Variants in KIF13B observed in about 807,000 individuals in gnomAD.
KIF13B encodes the protein kinesin family member 13B.
A neutral mutation model predicts 222.0 loss-of-function variants in KIF13B; 127 were observed. The observed-to-expected ratio is 0.57, with a 90% CI of 0.50 to 0.66. KIF13B has a LOEUF of 0.66. Among genes scored for constraint, KIF13B ranks in the 30% least tolerant of loss-of-function variants. The probability of loss-of-function intolerance (pLI) is 0.00; values close to 1 mark genes in which losing one functional copy is unlikely to be tolerated. For missense variants in KIF13B, 2,173 were observed against 2,379.0 expected, an observed-to-expected ratio of 0.91 and a Z score of 1.80; for synonymous variants, 976 against 919.0, an observed-to-expected ratio of 1.06 and a Z score of -1.12.
chr8:29,161,645 G>A (rs1017633019), intron 12 of KIF13B, among the ~76,000 whole-genome samples: 4 of 151,348 alleles, frequency 2.6e-5, no homozygotes, highest in Non-Finnish European at 4.4e-5. Context: ...GTGGTGAGCC[G>A]AGATCATGCC....
At chr8:29,107,505 G>A (rs1386228070) in intron 35 of KIF13B, among the ~76,000 whole-genome samples, 1 of 151,938 alleles carries the variant, frequency 6.6e-6, no homozygotes, top group Non-Finnish European at 1.5e-5. Flanking sequence ...TCCAGCCTGG[G>A]TGACAAGAGC....
At chr8:29,163,120 G>A (rs1586864589) in intron 12 of KIF13B, among the ~76,000 whole-genome samples, 1 of 152,042 alleles carries the variant, frequency 6.6e-6, no homozygotes, top group East Asian at 1.9e-4. Flanking sequence ...TAAAAATAAG[G>A]GACAATGTGG....
chr8:29,229,974 TTA>T (rs1179392986), intron 2 of KIF13B, among the ~76,000 whole-genome samples: 1 of 152,210 alleles, frequency 6.6e-6, no homozygotes, highest in African/African-American at 2.4e-5. Context: ...ATATGATGTT[TTA>T]ATAAATAAAA....
chr8:29,226,786 T>C (rs532941317), intron 2 of KIF13B, among the ~76,000 whole-genome samples: 3 of 152,372 alleles, frequency 2.0e-5, no homozygotes, highest in South Asian at 4.1e-4. Context: ...ACTAATGGTC[T>C]GATTTAAGAT....
Position 29,140,497 on chromosome 8 carries a change from C to T in KIF13B, c.2455G>A (p.Ala819Thr), listed in dbSNP as rs762137974. ...SLFYDVKLQY[A>T]VPIINQKGEV... is the part of the protein sequence containing the mutation. Reference sequence around the variant, plus strand: ...CCTTTCTGGTTGATGATGGGAACAGCGTATTGTAACTTCACATCATAGAAA... The same window carrying T: ...CCTTTCTGGTTGATGATGGGAACAGTGTATTGTAACTTCACATCATAGAAA... Residue 819 changes from alanine (A) to threonine (T), a missense_variant, in exon 20 of 40, where the codon GCT (alanine) becomes ACT (threonine). Ala to Thr is a moderately conservative substitution (Grantham distance 58). Around this residue, in one of 2 missense-constraint regions of KIF13B, gnomAD observed 1,480 missense variants for 1,722.8 expected, o/e 0.86. Transcript: ENST00000524189. 6 of 1,613,676 alleles carry T rather than the reference C, an allele frequency of 3.7e-6. No individual in the cohort carries two copies. The African/African-American group carries it at 4.0e-5, about 11-fold the overall frequency.
rs1453153267 is a variant in KIF13B at position 29,067,924 on chromosome 8, GC to G, written c.*2579del. The G allele has an allele frequency of 6.6e-6, 1 of 152,582 alleles. No individual in the cohort carries two copies. Among genetic ancestry groups the G allele is most frequent in the East Asian group, 1.9e-4 (1 of 5,170 alleles). 9.5% of individuals were successfully genotyped at this position (152,582 alleles called of 1,614,324 possible). A position where few individuals can be genotyped will look rare whatever the true frequency, so the allele number is the denominator to read the frequency against. ...TACCCAGGAACCCAGTCACACACCTGCCCCCTGTCCCCTCTGCTGCTGGACG... is the reference window on the plus strand; with the variant it reads ...TACCCAGGAACCCAGTCACACACCTGCCCCTGTCCCCTCTGCTGCTGGACG... On this transcript the variant is annotated 3_prime_UTR_variant, in exon 40 of 40. Coordinates refer to ENST00000524189, the MANE Select transcript of KIF13B (RefSeq NM_015254.4).
Position 29,071,973 on chromosome 8 carries a change from G to A in KIF13B, c.4865C>T (p.Pro1622Leu). The change falls in exon 39 of 40, where the codon CCT (proline) becomes CTT (leucine). Residue 1622 changes from proline to leucine, a missense_variant. Coordinates refer to ENST00000524189, the MANE Select transcript of KIF13B (RefSeq NM_015254.4). This position sits in a 1 kb window ranked among gnomAD's most constrained non-coding sequence, Gnocchi z 4.9. ...PPTAVPAEEP[P>L]GPQQLVSPGR... ...GGGGCTCACGAGCTGCTGGGGGCCA[G>A]GGGGCTCCTCGGCGGGGACGGCCGT... The A allele has an allele frequency of 7.6e-7, 1 of 1,321,348 alleles. No homozygotes were observed. Among genetic ancestry groups the A allele is most frequent in the East Asian group, 3.4e-5 (1 of 29,418 alleles). The allele number at this position is 1,321,348 out of a possible 1,614,324, so 81.9% of individuals were successfully genotyped here. A position where few individuals can be genotyped will look rare whatever the true frequency, so the allele number is the denominator to read the frequency against.
chr8:29,132,556 G>T, intron 22 of KIF13B, 91 bp from the exon 23 acceptor site: 2 of 808,478 alleles, frequency 2.5e-6, no homozygotes, highest in South Asian at 5.4e-5. Context: ...AATTATATCA[G>T]GGAAAAAAAA....
chr8:29,084,802 G>A (rs78367377), intron 37 of KIF13B, among the ~76,000 whole-genome samples: 4,967 of 152,256 alleles, frequency 0.033, 288 homozygotes, highest in African/African-American at 0.11. Context: ...TTTATGTGCT[G>A]TCTGAGAAAC....
At chr8:29,101,445 T>C (rs953304443) in intron 35 of KIF13B, among the ~76,000 whole-genome samples, 1 of 152,188 alleles carries the variant, frequency 6.6e-6, no homozygotes, top group Admixed American at 6.5e-5. Context: ...CCTGGGCTGC[T>C]TGACGTAGAA....
chr8:29,230,914 T>C (rs963146095), intron 2 of KIF13B, among the ~76,000 whole-genome samples: 1 of 152,206 alleles, frequency 6.6e-6, no homozygotes, highest in Non-Finnish European at 1.5e-5. Context: ...TCTCACATTG[T>C]CACTCAGGCT....
chr8:29,177,434 A>C, intron 9 of KIF13B, 32 bp downstream of exon 9: 1 of 1,307,070 alleles, frequency 7.7e-7, no homozygotes, highest in South Asian at 1.2e-5. Context: ...TAAATAAATA[A>C]AGCAATAAAA....
At chr8:29,106,955 T>A (rs1362648805) in intron 35 of KIF13B, among the ~76,000 whole-genome samples, 1 of 152,104 alleles carries the variant, frequency 6.6e-6, no homozygotes, top group African/African-American at 2.4e-5. Flanking sequence ...AGTACCAACA[T>A]CTAACCAGAC....
At chr8:29,246,435 T>TC in intron 1 of KIF13B, among the ~76,000 whole-genome samples, 1 of 144,258 alleles carries the variant, frequency 6.9e-6, no homozygotes, top group Non-Finnish European at 1.5e-5. Flanking sequence ...GATATATCAG[T>TC]TAAAAAAAAA....
chr8:29,153,164 T>C (rs1391768605), intron 14 of KIF13B, among the ~76,000 whole-genome samples: 1 of 152,182 alleles, frequency 6.6e-6, no homozygotes, highest in Non-Finnish European at 1.5e-5. Flanking sequence ...ACCTCCATTT[T>C]TAAAAGTTCT....
intron 21 of KIF13B, among the ~76,000 whole-genome samples, chr8:29,139,728 A>G (rs1810722237): frequency 6.6e-6 from 1 of 152,064 alleles, no homozygotes; most frequent in Admixed American, 6.6e-5. Flanking sequence ...TCACTTGTAC[A>G]TTGCACCTGC....
At chr8:29,193,697 G>A (rs1178233906) in intron 3 of KIF13B, among the ~76,000 whole-genome samples, 2 of 152,286 alleles carry the variant, frequency 1.3e-5, no homozygotes, top group South Asian at 2.1e-4. Flanking sequence ...ATAAAATGGT[G>A]TAGTATTTGC....
intron 23 of KIF13B, among the ~76,000 whole-genome samples, chr8:29,130,882 T>TA (rs949545370): frequency 1.3e-5 from 2 of 152,208 alleles, no homozygotes; most frequent in Admixed American, 6.5e-5. Flanking sequence ...ATGGCTCCTT[T>TA]ACTTTGTTCA....
intron 36 of KIF13B, among the ~76,000 whole-genome samples, chr8:29,098,662 C>A (rs1349432473): frequency 6.6e-6 from 1 of 150,786 alleles, no homozygotes; most frequent in African/African-American, 2.4e-5. Flanking sequence ...AAAGAGGATT[C>A]CAGGCCCGGA....
Sources: gnomAD v4.1 joint callset for allele counts (sites outside exome capture counted in the v4.1 genomes callset) on GRCh38, gnomAD v4.1.1 for gene constraint, gnomAD v4.1.1 regional missense constraint, Gnocchi (gnomAD v3.1) non-coding constraint, MANE v1.5 for transcripts, NCBI Gene and HGNC (gene_info 2026-07-23, HGNC 2026-07-21) for gene names.